WNK3: variants seen among roughly 807,000 people sequenced by gnomAD.
The protein encoded by WNK3 is serine/threonine-protein kinase WNK3.
In WNK3, 18 loss-of-function variants were observed where a neutral mutation model predicts 116.7. The observed-to-expected ratio is 0.15, with a 90% confidence interval of 0.11 to 0.23. The LOEUF (loss-of-function observed/expected upper bound fraction) is 0.23, where lower values mean the gene tolerates loss of function less well. Ranked by LOEUF, WNK3 falls within the 10% of genes least tolerant of loss-of-function variation. WNK3 has a pLI of 1.00. For synonymous variants in WNK3, 404 were observed against 469.4 expected, an observed-to-expected ratio of 0.86 and a Z score of 1.80; for missense variants, 993 against 1,323.8, an observed-to-expected ratio of 0.75 and a Z score of 3.88.
intron 23 of WNK3, among the ~76,000 whole-genome samples, chrX:54,200,991 TAACA>T (rs1371836216): frequency 8.9e-6 from 1 of 111,859 alleles, no homozygotes; most frequent in Non-Finnish European, 1.9e-5. Flanking sequence ...ATTATTTCTT[TAACA>T]AACTATATGA....
chrX:54,338,347 A>G (rs1375982972), intron 1 of WNK3, among the ~76,000 whole-genome samples: 3 of 110,095 alleles, frequency 2.7e-5, no homozygotes, highest in African/African-American at 9.9e-5. Context: ...GCTTGAACCC[A>G]GAATGCAGAG....
chrX:54,344,435 G>A (rs1482794798), intron 1 of WNK3, among the ~76,000 whole-genome samples: 6 of 107,583 alleles, frequency 5.6e-5, no homozygotes, highest in African/African-American at 2.0e-4. Context: ...GCGAGACTCC[G>A]TCTCAAAAGA....
chrX:54,192,933 G>A (rs188345833), exon 24 of WNK3: 1 of 110,156 alleles, frequency 9.1e-6, no homozygotes, highest in African/African-American at 3.3e-5. Context: ...ACTTACAATG[G>A]TTGGGTACAA....
intron 16 of WNK3, 49 bp downstream of exon 16, chrX:54,249,940 TTTTGC>T: frequency 8.8e-7 from 1 of 1,142,576 alleles, no homozygotes; most frequent in Non-Finnish European, 1.2e-6. Flanking sequence ...ATCATATGTA[TTTTGC>T]ATCCCATCCT....
intron 10 of WNK3, among the ~76,000 whole-genome samples, chrX:54,291,451 AT>A (rs1557165058): frequency 1.8e-5 from 2 of 112,351 alleles, no homozygotes; most frequent in African/African-American, 6.5e-5. Context: ...AGCAAGTAAC[AT>A]TTTGATAATT....
At chrX:54,279,031 G>A (rs1169177446) in intron 10 of WNK3, among the ~76,000 whole-genome samples, 4 of 110,999 alleles carry the variant, frequency 3.6e-5, no homozygotes, top group East Asian at 5.6e-4. Context: ...TCGCGCCATC[G>A]CATTCTAGCC....
At chrX:54,215,530 C>G (rs1207227583) in intron 22 of WNK3, among the ~76,000 whole-genome samples, 5 of 111,368 alleles carry the variant, frequency 4.5e-5, no homozygotes, top group South Asian at 3.7e-4. Flanking sequence ...GCGTGATCTC[C>G]GCTCGCTACA....
chrX:54,310,969 G>T, intron 3 of WNK3, 150 bp downstream of exon 3: 2 of 405,128 alleles, frequency 4.9e-6, no homozygotes, highest in South Asian at 1.1e-4. Context: ...ACCCTCCTCA[G>T]TCTCCCAAAG....
At chrX:54,255,468 A>C (rs782443615) in intron 12 of WNK3, among the ~76,000 whole-genome samples, 128 of 112,252 alleles carry the variant, frequency 1.1e-3, no homozygotes, top group African/African-American at 4.1e-3. Context: ...AAAACACTAC[A>C]TGTACATACA....
At chrX:54,331,456 C>CA (rs1363396706) in intron 2 of WNK3, among the ~76,000 whole-genome samples, 1 of 109,574 alleles carries the variant, frequency 9.1e-6, no homozygotes, top group Non-Finnish European at 1.9e-5. Context: ...GCCTTGTACT[C>CA]AAAGTACTGG....
At chrX:54,358,237 GGA>G (rs1473451819), upstream of WNK3, among the ~76,000 whole-genome samples, 1 of 111,424 alleles carries the variant, frequency 9.0e-6, no homozygotes, top group Non-Finnish European at 1.9e-5. Flanking sequence ...TGCGCGTCGA[GGA>G]GAAAGGCTTC....
chrX:54,351,804 CG>C (rs2069519840), intron 1 of WNK3, among the ~76,000 whole-genome samples: 1 of 110,647 alleles, frequency 9.0e-6, no homozygotes, highest in Admixed American at 9.7e-5. Flanking sequence ...CCCAGCAACT[CG>C]GGAGGCTGAG....
intron 2 of WNK3, among the ~76,000 whole-genome samples, chrX:54,326,898 A>G (rs1557173593): frequency 9.1e-6 from 1 of 110,396 alleles, no homozygotes; most frequent in African/African-American, 3.3e-5. Context: ...AGACAGAAGA[A>G]TTGCTTGAAC....
intron 22 of WNK3, among the ~76,000 whole-genome samples, chrX:54,215,225 C>A (rs922541927): frequency 2.7e-5 from 3 of 110,552 alleles, no homozygotes; most frequent in Non-Finnish European, 5.7e-5. Flanking sequence ...TTTGCACGGT[C>A]TCCCTCTGAT....
At chrX:54,301,230 G>A (rs1603393257) in intron 6 of WNK3, among the ~76,000 whole-genome samples, 1 of 89,955 alleles carries the variant, frequency 1.1e-5, no homozygotes. Context: ...GTAACAGAGC[G>A]AGACTCTGTC....
At chrX:54,198,186 G>T in exon 24 of WNK3, 1 of 539,393 alleles carries the variant, frequency 1.9e-6, no homozygotes. Flanking sequence ...TACCACACTG[G>T]AACAAAAAAT....
At chrX:54,338,113 T>C (rs1410985891) in intron 1 of WNK3, among the ~76,000 whole-genome samples, 4 of 110,750 alleles carry the variant, frequency 3.6e-5, no homozygotes, top group African/African-American at 1.3e-4. Context: ...GGGAAAATTT[T>C]TTTTTAATTT....
chrX:54,267,803 G>GCAA (rs1195551796), intron 10 of WNK3, among the ~76,000 whole-genome samples: 2 of 109,902 alleles, frequency 1.8e-5, no homozygotes, highest in Non-Finnish European at 3.8e-5. Context: ...CAAAAAAAGA[G>GCAA]CAACAACAAC....
chrX:54,260,993 G>A (rs1188191360), intron 10 of WNK3, among the ~76,000 whole-genome samples: 1 of 109,101 alleles, frequency 9.2e-6, no homozygotes, highest in African/African-American at 3.3e-5. Context: ...GCCTCCCAAA[G>A]TGCTAGGATT....
Sources: gnomAD v4.1 joint callset for allele counts (sites outside exome capture counted in the v4.1 genomes callset) on GRCh38, gnomAD v4.1.1 for gene constraint, MANE v1.5 for transcripts, NCBI Gene and HGNC (gene_info 2026-07-23, HGNC 2026-07-21) for gene names.